UVRAG: variants seen among roughly 807,000 people sequenced by gnomAD.
UVRAG encodes the protein UV radiation resistance associated.
A neutral mutation model predicts 78.0 loss-of-function variants in UVRAG; 19 were observed. The ratio of observed to expected loss-of-function variants is 0.24; its 90% confidence interval spans 0.17 to 0.36. UVRAG has a LOEUF of 0.36. Among genes scored for constraint, UVRAG ranks in the 10% least tolerant of loss-of-function variants. The pLI is 1.00. For synonymous variants in UVRAG, 323 were observed against 324.6 expected, an observed-to-expected ratio of 1.00 and a Z score of 0.05; for missense variants, 740 against 853.8, an observed-to-expected ratio of 0.87 and a Z score of 1.66.
intron 12 of UVRAG, among the ~76,000 whole-genome samples, chr11:76,048,477 G>A (rs1397415779): frequency 6.6e-6 from 1 of 152,142 alleles, no homozygotes; most frequent in African/African-American, 2.4e-5. Context: ...TAATTAAAGG[G>A]GATTGACTAT....
chr11:76,081,796 T>C (rs1951499066), intron 13 of UVRAG, among the ~76,000 whole-genome samples: 1 of 152,078 alleles, frequency 6.6e-6, no homozygotes, highest in South Asian at 2.1e-4. Context: ...TAGCTGAAGA[T>C]TAGAAACAAC....
chr11:76,116,267 A>G (rs1368479023), intron 14 of UVRAG, among the ~76,000 whole-genome samples: 1 of 152,204 alleles, frequency 6.6e-6, no homozygotes, highest in Non-Finnish European at 1.5e-5. Flanking sequence ...CTGAGCAAGG[A>G]GCCCTTGAGG....
At chr11:75,906,503 A>G (rs1028695651) in intron 5 of UVRAG, among the ~76,000 whole-genome samples, 2 of 151,966 alleles carry the variant, frequency 1.3e-5, no homozygotes, top group African/African-American at 2.4e-5. Flanking sequence ...GCGTGCCATC[A>G]TGCCTGGCTA....
chr11:75,973,866 C>T (rs1486152602), intron 7 of UVRAG, among the ~76,000 whole-genome samples: 1 of 152,196 alleles, frequency 6.6e-6, no homozygotes, highest in African/African-American at 2.4e-5. Context: ...TCATCCATGT[C>T]ACTGCAAAGG....
At chr11:76,129,976 A>G (rs929852938) in intron 14 of UVRAG, among the ~76,000 whole-genome samples, 15 of 151,888 alleles carry the variant, frequency 9.9e-5, no homozygotes, top group African/African-American at 2.9e-4. Context: ...TCTTTGCCTG[A>G]AAGTTCTAAA....
chr11:76,023,831 A>G (rs997980117), intron 12 of UVRAG, among the ~76,000 whole-genome samples: 8 of 152,122 alleles, frequency 5.3e-5, no homozygotes, highest in African/African-American at 1.9e-4. Context: ...GTTGATTTTG[A>G]CAATTTTTCT....
Position 76,141,236 on chromosome 11 carries a change from A to G in UVRAG, c.1923A>G (p.Thr641=), listed in dbSNP as rs1952717675. Residue 641 remains threonine (T), a synonymous_variant, in exon 15 of 15, where the codon ACA becomes ACG. Coordinates refer to ENST00000356136, the MANE Select transcript of UVRAG (RefSeq NM_003369.4). ...AAGAAATCATCGGGCTGGAAGCCACAGGTTTCGCCTCAGGTGATCAGCTAG... is the reference window on the plus strand; with the variant it reads ...AAGAAATCATCGGGCTGGAAGCCACGGGTTTCGCCTCAGGTGATCAGCTAG... The part of the protein sequence containing the change: ...QAEEIIGLEA[T]GFASGDQLEA... 1 of 1,614,210 alleles carries G rather than the reference A, an allele frequency of 6.2e-7. No homozygotes were observed. Among genetic ancestry groups the G allele is most frequent in the East Asian group, 2.2e-5 (1 of 44,876 alleles).
intron 5 of UVRAG, among the ~76,000 whole-genome samples, chr11:75,894,294 C>T (rs975841914): frequency 4.6e-5 from 7 of 151,850 alleles, no homozygotes; most frequent in Non-Finnish European, 8.8e-5. Flanking sequence ...AGCAATTTGA[C>T]GTTATTGTGA....
At chr11:75,961,638 T>C in intron 7 of UVRAG, 89 bp downstream of exon 7, 1 of 994,628 alleles carries the variant, frequency 1.0e-6, no homozygotes, top group Non-Finnish European at 1.4e-6. Flanking sequence ...AAAAACGCTT[T>C]AGATCGTTTT....
chr11:75,972,663 A>G (rs1949147864), intron 7 of UVRAG, among the ~76,000 whole-genome samples: 1 of 152,162 alleles, frequency 6.6e-6, no homozygotes, highest in African/African-American at 2.4e-5. Flanking sequence ...ACTATAGCTT[A>G]TGGTAATTCT....
intron 13 of UVRAG, among the ~76,000 whole-genome samples, chr11:76,066,674 G>A (rs566843259): frequency 3.9e-5 from 6 of 152,152 alleles, no homozygotes; most frequent in African/African-American, 1.2e-4. Context: ...GGGTTTCACC[G>A]TGTTAGGCAG....
chr11:76,136,929 GT>G (rs1293191965), intron 14 of UVRAG, among the ~76,000 whole-genome samples: 1 of 152,020 alleles, frequency 6.6e-6, no homozygotes, highest in Non-Finnish European at 1.5e-5. Flanking sequence ...AGTTAACATA[GT>G]TTTAGTTTTC....
chr11:76,092,191 T>G (rs1246681751), intron 13 of UVRAG, among the ~76,000 whole-genome samples: 1 of 152,212 alleles, frequency 6.6e-6, no homozygotes, highest in Non-Finnish European at 1.5e-5. Flanking sequence ...GGCTGCATAG[T>G]ATTCCATGGT....
intron 7 of UVRAG, among the ~76,000 whole-genome samples, chr11:75,983,150 G>A (rs998628781): frequency 2.0e-5 from 3 of 152,104 alleles, no homozygotes; most frequent in Admixed American, 2.0e-4. Flanking sequence ...GATATTTTGT[G>A]TAGTGTCTGT....
At chr11:75,993,326 A>T (rs1394365339) in intron 8 of UVRAG, among the ~76,000 whole-genome samples, 1 of 151,982 alleles carries the variant, frequency 6.6e-6, no homozygotes, top group Non-Finnish European at 1.5e-5. Flanking sequence ...ATTACTTCAC[A>T]CTCATACGTT....
At chr11:75,999,463 A>G (rs1193101984) in intron 8 of UVRAG, among the ~76,000 whole-genome samples, 1 of 150,746 alleles carries the variant, frequency 6.6e-6, no homozygotes, top group Non-Finnish European at 1.5e-5. Context: ...GCTTACTGCA[A>G]CCTCCACCTC....
At chr11:76,080,777 G>A (rs1176989791) in intron 13 of UVRAG, among the ~76,000 whole-genome samples, 2 of 152,152 alleles carry the variant, frequency 1.3e-5, no homozygotes, top group African/African-American at 4.8e-5. Context: ...GACAAAATCA[G>A]TGTTATTTTT....
At chr11:76,106,756 G>T (rs1005242459) in intron 13 of UVRAG, among the ~76,000 whole-genome samples, 1 of 152,046 alleles carries the variant, frequency 6.6e-6, no homozygotes, top group Non-Finnish European at 1.5e-5. Context: ...GTCAATACAG[G>T]GTATTTTGGG....
intron 13 of UVRAG, among the ~76,000 whole-genome samples, chr11:76,073,145 A>G (rs1951345116): frequency 6.6e-6 from 1 of 152,144 alleles, no homozygotes; most frequent in African/African-American, 2.4e-5. Flanking sequence ...AAAATTATTG[A>G]TTATATTAAA....
Sources: allele counts gnomAD v4.1 joint callset (sites outside exome capture counted in the v4.1 genomes callset), GRCh38; gene constraint gnomAD v4.1.1; transcripts MANE v1.5; gene names NCBI Gene and HGNC (gene_info 2026-07-23, HGNC 2026-07-21).